CREB5: variants seen among roughly 807,000 people sequenced by gnomAD.
CREB5 encodes the protein cAMP responsive element binding protein 5, also known as cyclic AMP-responsive element-binding protein 5.
A neutral mutation model predicts 57.1 loss-of-function variants in CREB5; 19 were observed. The ratio of observed to expected loss-of-function variants is 0.33; its 90% confidence interval spans 0.23 to 0.49. CREB5 has a LOEUF of 0.49. CREB5 is among the 20% of genes least tolerant of loss of function. CREB5 has a pLI of 0.99. For missense variants in CREB5, 579 were observed against 671.6 expected (o/e 0.86, Z 1.52); for synonymous variants, 238 against 238.3 (o/e 1.00, Z 0.01).
intron 5 of CREB5, among the ~76,000 whole-genome samples, chr7:28,604,001 G>T (rs1248182356): frequency 6.6e-6 from 1 of 152,116 alleles, no homozygotes; most frequent in East Asian, 1.9e-4. Flanking sequence ...TGCGTAAAAG[G>T]ACACCATCCT....
chr7:28,435,739 A>G (rs1174597937), intron 1 of CREB5: 4 of 864,514 alleles, frequency 4.6e-6, no homozygotes, highest in Non-Finnish European at 5.6e-6. Context: ...CCAAACACTC[A>G]GATGTAAATT....
chr7:28,666,274 G>A (rs919496668), intron 5 of CREB5, among the ~76,000 whole-genome samples: 1 of 152,116 alleles, frequency 6.6e-6, no homozygotes. Flanking sequence ...CCTTATAAAT[G>A]TATATGACTC....
At chr7:28,535,347 G>C (rs1444225695) in intron 4 of CREB5, among the ~76,000 whole-genome samples, 1 of 137,762 alleles carries the variant, frequency 7.3e-6, no homozygotes, top group East Asian at 2.0e-4. Context: ...AAGAAGGAGG[G>C]AAGGATGGAA....
chr7:28,816,299 T>TGTAA (rs1394497412), intron 9 of CREB5, among the ~76,000 whole-genome samples: 4 of 152,172 alleles, frequency 2.6e-5, no homozygotes, highest in African/African-American at 9.7e-5. Context: ...TAAATTGTCC[T>TGTAA]GTAAGTTATC....
intron 4 of CREB5, 137 bp downstream of exon 4, chr7:28,507,874 T>C (rs1003407959): frequency 1.8e-6 from 2 of 1,097,770 alleles, no homozygotes; most frequent in Middle Eastern, 6.7e-4. Context: ...TGTCTAATTT[T>C]TTTTAAAAGA....
chr7:28,432,006 T>A (rs1420486777), intron 1 of CREB5, among the ~76,000 whole-genome samples: 1 of 151,936 alleles, frequency 6.6e-6, no homozygotes, highest in African/African-American at 2.4e-5. Context: ...TTTTGCTTTT[T>A]TTTGGTTGTT....
At chr7:28,507,523 G>A (rs1443277004) in intron 3 of CREB5, 93 bp from the exon 4 acceptor site, 2 of 1,439,562 alleles carry the variant, frequency 1.4e-6, no homozygotes, top group Non-Finnish European at 1.9e-6. Context: ...TTTTAATTAA[G>A]GCAAGGGGAG....
At chr7:28,590,988 T>G (rs1796491674) in intron 5 of CREB5, among the ~76,000 whole-genome samples, 1 of 152,216 alleles carries the variant, frequency 6.6e-6, no homozygotes, top group African/African-American at 2.4e-5. Flanking sequence ...TCTTTCAGAT[T>G]GCCAAAGTTA....
At chr7:28,579,409 T>C (rs1377463942) in intron 5 of CREB5, among the ~76,000 whole-genome samples, 1 of 152,096 alleles carries the variant, frequency 6.6e-6, no homozygotes, top group African/African-American at 2.4e-5. Context: ...ACATTCTTAA[T>C]GGTACCAGAC....
At chr7:28,449,359 C>T (rs1392748608) in intron 1 of CREB5, among the ~76,000 whole-genome samples, 2 of 152,206 alleles carry the variant, frequency 1.3e-5, no homozygotes, top group Non-Finnish European at 2.9e-5. Flanking sequence ...GCCTCCTCTA[C>T]CTCTGCCTTC....
chr7:28,403,861 A>G (rs1454327455), intron 1 of CREB5, among the ~76,000 whole-genome samples: 1 of 152,184 alleles, frequency 6.6e-6, no homozygotes, highest in Non-Finnish European at 1.5e-5. Flanking sequence ...TTGTCATGGT[A>G]TGTTTTATTT....
chr7:28,660,108 G>A (rs1238904439), intron 5 of CREB5, among the ~76,000 whole-genome samples: 1 of 152,168 alleles, frequency 6.6e-6, no homozygotes, highest in African/African-American at 2.4e-5. Context: ...AGTTTTGCTT[G>A]CCTGTAAATG....
rs1806475145 is a variant in CREB5 at position 28,773,875 on chromosome 7, C to G, written c.703-30324C>G. The stretch of plus-strand genomic sequence containing the variant: ...CCAGTAAGAGCCTTAGTCACTTAAT[C>G]TTTTCCTAGCGTCCTTCATTTCAGT... On this transcript the variant is annotated intron_variant, in intron 7 of 10. Transcript: ENST00000357727. Among the ~76,000 whole-genome samples, 4 of 152,292 alleles carry G rather than the reference C, an allele frequency of 2.6e-5. No homozygotes were observed. The South Asian group carries it at 8.3e-4, about 32-fold the overall frequency.
intron 8 of CREB5, among the ~76,000 whole-genome samples, chr7:28,808,481 C>T (rs778192495): frequency 6.6e-6 from 1 of 152,160 alleles, no homozygotes; most frequent in Non-Finnish European, 1.5e-5. Flanking sequence ...GATAATAACC[C>T]TGACCTTTCT....
At chr7:28,487,974 TA>T (rs1469111674) in intron 1 of CREB5, among the ~76,000 whole-genome samples, 200 bp from the exon 2 acceptor site, 2 of 152,142 alleles carry the variant, frequency 1.3e-5, no homozygotes, top group Admixed American at 1.3e-4. Flanking sequence ...TAAAGGACAG[TA>T]GGAGCCCAGC....
chr7:28,402,958 C>A (rs1462047031), intron 1 of CREB5, among the ~76,000 whole-genome samples: 1 of 152,184 alleles, frequency 6.6e-6, no homozygotes, highest in Non-Finnish European at 1.5e-5. Flanking sequence ...AGTTGATACG[C>A]ACCTGCACCT....
upstream of CREB5, chr7:28,410,165 G>A (rs912214630): frequency 4.7e-6 from 2 of 425,332 alleles, no homozygotes; most frequent in South Asian, 1.7e-5. Context: ...GCGCGCGCCC[G>A]GGGAGGGGAG....
chr7:28,471,342 G>A (rs929109393), intron 1 of CREB5, among the ~76,000 whole-genome samples: 1 of 152,102 alleles, frequency 6.6e-6, no homozygotes, highest in Non-Finnish European at 1.5e-5. Flanking sequence ...TTTTCCTCCA[G>A]TGTATCTTCT....
chr7:28,488,860 A>AC (rs1422445859), intron 2 of CREB5, among the ~76,000 whole-genome samples: 1 of 152,220 alleles, frequency 6.6e-6, no homozygotes, highest in East Asian at 1.9e-4. Flanking sequence ...TAGAGTGTTT[A>AC]ACATAGGGTC....
Sources: gnomAD v4.1 joint callset for allele counts (sites outside exome capture counted in the v4.1 genomes callset) on GRCh38, gnomAD v4.1.1 for gene constraint, MANE v1.5 for transcripts, NCBI Gene and HGNC (gene_info 2026-07-23, HGNC 2026-07-21) for gene names.